Variants in TG observed in about 807,000 individuals in gnomAD.
TG encodes thyroglobulin, also known as thyroid hormones.
A neutral mutation model predicts 324.7 loss-of-function variants in TG; 270 were observed. That is an observed-to-expected ratio of 0.83 (90% confidence interval 0.75 to 0.92). TG has a LOEUF of 0.92. TG is among the 40% of genes least tolerant of loss of function. The pLI is 0.00. For missense variants in TG, 3,591 were observed against 3,456.4 expected, an observed-to-expected ratio of 1.04 and a Z score of -0.98; for synonymous variants, 1,401 against 1,327.0, an observed-to-expected ratio of 1.06 and a Z score of -1.21.
chr8:133,025,893 C>A (rs1836024538), intron 40 of TG, among the ~76,000 whole-genome samples: 1 of 152,114 alleles, frequency 6.6e-6, no homozygotes, highest in Non-Finnish European at 1.5e-5. Context: ...CTCTGTGGGG[C>A]CAAAACTCTG....
chr8:132,911,318 C>T, intron 18 of TG, 59 bp from the exon 19 acceptor site: 2 of 1,613,852 alleles, frequency 1.2e-6, no homozygotes, highest in African/African-American at 1.3e-5. Flanking sequence ...TGGTGTGGAC[C>T]CAACAAAACT....
chr8:132,912,966 G>A (rs1437726993), intron 19 of TG, 81 bp from the exon 20 acceptor site: 1 of 1,326,766 alleles, frequency 7.5e-7, no homozygotes, highest in Non-Finnish European at 1.1e-6. Flanking sequence ...GGATATTCTA[G>A]GCATCTCTGC....
chr8:132,935,092 T>G (rs1823371385), intron 24 of TG, among the ~76,000 whole-genome samples: 1 of 151,864 alleles, frequency 6.6e-6, no homozygotes, highest in African/African-American at 2.4e-5. Flanking sequence ...GTCTGCTGTT[T>G]CCTCTGCTTA....
At chr8:133,124,914 G>T (rs1851405927) in intron 45 of TG, among the ~76,000 whole-genome samples, 1 of 152,186 alleles carries the variant, frequency 6.6e-6, no homozygotes, top group South Asian at 2.1e-4. Context: ...TGGTGAGTTT[G>T]TTGGAATTAA....
intron 16 of TG, among the ~76,000 whole-genome samples, chr8:132,904,396 G>T (rs1818374439): frequency 6.6e-6 from 1 of 152,224 alleles, no homozygotes; most frequent in Non-Finnish European, 1.5e-5. Flanking sequence ...AATCCCCGTG[G>T]TATAATTTTG....
At chr8:133,018,674 C>T (rs561085368) in intron 38 of TG, among the ~76,000 whole-genome samples, 68 of 152,238 alleles carry the variant, frequency 4.5e-4, no homozygotes, top group African/African-American at 1.6e-3. Context: ...AAAGCATACT[C>T]GGAGTATCTG....
intron 43 of TG, among the ~76,000 whole-genome samples, chr8:133,101,856 CA>C (rs151042620): frequency 0.092 from 13,987 of 152,118 alleles, 2,184 homozygotes; most frequent in African/African-American, 0.32. Context: ...TGGAGTGACA[CA>C]ATGGCCAGGA....
At chr8:133,041,670 A>G (rs1838268629) in intron 41 of TG, among the ~76,000 whole-genome samples, 1 of 152,166 alleles carries the variant, frequency 6.6e-6, no homozygotes, top group Non-Finnish European at 1.5e-5. Flanking sequence ...AGGGTGAAAA[A>G]TACATTTTGA....
In TG at chr8:132,887,021, G is replaced by A. The variant is rs780426823; in HGVS notation, c.1649G>A (p.Gly550Asp). 28 of 1,614,098 alleles carry A rather than the reference G, an allele frequency of 1.7e-5. No individual in the cohort carries two copies. The highest frequency in any genetic ancestry group is 2.3e-5 in the Non-Finnish European group (27 of 1,180,052). Residue 550 changes from glycine (G) to aspartate (D), a missense_variant, in exon 9 of 48, where the codon GGC becomes GAC. Coordinates refer to ENST00000220616, the MANE Select transcript of TG (RefSeq NM_003235.5). ...GGTACTATGAATAAGCCAACTGTGG[G>A]CAGCTTTGGCTTTGAAATTAACCTA... is the stretch of plus-strand genomic sequence containing the variant. Reference protein sequence around the residue: ...KDGTMNKPTVGSFGFEINLQE... With the variant: ...KDGTMNKPTVDSFGFEINLQE...
chr8:132,886,630 G>C lies in TG; in HGVS notation c.1258G>C (p.Gly420Arg). ...GATCAAGGAGCTCTTTGTGGACTCT[G>C]GGCTTCTCCGCCCAATGGTGGAGGG... ...PTIKELFVDS[G>R]LLRPMVEGQS... The change falls in exon 9 of 48, where the codon GGG (glycine) becomes CGG (arginine). Residue 420 changes from glycine (G) to arginine (R), a missense_variant. Gly to Arg is a moderately radical substitution (Grantham distance 125). Transcript: ENST00000220616. 6.2e-7 allele frequency: 1 copy of C among 1,614,124 alleles called. No homozygotes were observed. Among genetic ancestry groups the C allele is most frequent in the East Asian group, 2.2e-5 (1 of 44,866 alleles).
intron 23 of TG, among the ~76,000 whole-genome samples, chr8:132,930,753 T>C (rs1186936436): frequency 2.7e-5 from 4 of 146,934 alleles, no homozygotes; most frequent in Admixed American, 2.7e-4. Context: ...TCTTAGGGAG[T>C]GAGGCAAGCA....
At chr8:132,938,386 G>T (rs571069872) in intron 25 of TG, among the ~76,000 whole-genome samples, 27 of 152,256 alleles carry the variant, frequency 1.8e-4, no homozygotes, top group African/African-American at 5.3e-4. Flanking sequence ...GTGCCCAAAG[G>T]TTCTTTAGAG....
chr8:133,002,024 A>C lies in TG; in HGVS notation c.6263-9877A>C, dbSNP rs17621034. On this transcript the variant is annotated intron_variant, in intron 35 of 47. Transcript: ENST00000220616. Reference sequence around the variant, plus strand: ...GCCTTGGACTCACTGTTTATTTTTGATGAGTCCTAAGAAAGTCATGTGATC... The same window carrying C: ...GCCTTGGACTCACTGTTTATTTTTGCTGAGTCCTAAGAAAGTCATGTGATC... 4.1e-6 allele frequency: 4 copies of C among 985,326 alleles called. No individual in the cohort carries two copies. In the African/African-American group the frequency reaches 7.0e-5, roughly 17 times the overall value. 61.0% of individuals were successfully genotyped at this position (985,326 alleles called of 1,614,324 possible). A position where few individuals can be genotyped will look rare whatever the true frequency, so the allele number is the denominator to read the frequency against.
chr8:133,060,235 G>T (rs771080149), intron 41 of TG: 48 of 1,612,632 alleles, frequency 3.0e-5, no homozygotes, highest in Non-Finnish European at 3.6e-5. Context: ...AAAGTCAACC[G>T]TGCCCTGAGC....
intron 37 of TG, among the ~76,000 whole-genome samples, chr8:133,015,427 G>A (rs1790005849): frequency 6.6e-6 from 1 of 152,218 alleles, no homozygotes; most frequent in African/African-American, 2.4e-5. Context: ...CGTGGCCTCT[G>A]TGGGTATTCT....
chr8:132,944,209 A>G (rs1332201752), intron 26 of TG, among the ~76,000 whole-genome samples: 1 of 151,904 alleles, frequency 6.6e-6, no homozygotes, highest in Non-Finnish European at 1.5e-5. Flanking sequence ...TTGCTCTCTT[A>G]TTATTTTGTT....
chr8:132,984,967 CCTATGTCAT>C (rs1831341959), intron 35 of TG, among the ~76,000 whole-genome samples: 1 of 151,218 alleles, frequency 6.6e-6, no homozygotes, highest in African/African-American at 2.4e-5. Context: ...AAATGAGTTC[CCTATGTCAT>C]CTATGTCATC....
At chr8:133,059,265 C>T (rs1291564899) in intron 41 of TG, 2 of 383,468 alleles carry the variant, frequency 5.2e-6, no homozygotes, top group African/African-American at 4.2e-5. Context: ...CCAAGGTGCC[C>T]CCTGGCTTCC....
chr8:133,073,456 G>A (rs1056908373), intron 41 of TG, among the ~76,000 whole-genome samples: 2 of 152,030 alleles, frequency 1.3e-5, no homozygotes, highest in South Asian at 2.1e-4. Context: ...TCCACCTCTC[G>A]GGTTCAAGCG....
Sources: gnomAD v4.1 joint callset for allele counts (sites outside exome capture counted in the v4.1 genomes callset) on GRCh38, gnomAD v4.1.1 for gene constraint, MANE v1.5 for transcripts, NCBI Gene and HGNC (gene_info 2026-07-23, HGNC 2026-07-21) for gene names.